APC: variants seen among roughly 807,000 people sequenced by gnomAD.
APC encodes adenomatous polyposis coli protein.
In APC, 72 loss-of-function variants were observed where a neutral mutation model predicts 247.0. That is an observed-to-expected ratio of 0.29 (90% confidence interval 0.24 to 0.35). The LOEUF (loss-of-function observed/expected upper bound fraction) is 0.35, where lower values mean the gene tolerates loss of function less well. APC is among the 10% of genes least tolerant of loss of function. The probability of loss-of-function intolerance (pLI) is 1.00; values close to 1 mark genes in which losing one functional copy is unlikely to be tolerated. For synonymous variants in APC, 1,254 were observed against 1,162.5 expected (o/e 1.08, Z -1.60); for missense variants, 3,400 against 3,360.7 (o/e 1.01, Z -0.29).
chr5:112,715,079 C>T (rs1048619686), intron 1 of APC, among the ~76,000 whole-genome samples: 1 of 152,188 alleles, frequency 6.6e-6, no homozygotes, highest in Non-Finnish European at 1.5e-5. Context: ...GTACTCCTAC[C>T]ACTAAAGCAT....
intron 14 of APC, among the ~76,000 whole-genome samples, chr5:112,833,886 C>T (rs1294055274): frequency 6.6e-6 from 1 of 152,044 alleles, no homozygotes; most frequent in Admixed American, 6.5e-5. Context: ...GCAACTTGCT[C>T]TTGTCATTTA....
rs587778036 is a variant in APC, at chr5:112,842,552, C to T, written c.6958C>T (p.Pro2320Ser). ...SRPAQQPLSR[P>S]IQSPGRNSIS... is the part of the protein sequence containing the mutation. ...ACCTGCCCAGCAACCATTAAGTAGA[C>T]CTATACAGTCTCCTGGCCGAAACTC... Residue 2320 changes from proline (P) to serine (S), a missense_variant, in exon 16 of 16, where the codon CCT (proline) becomes TCT (serine). Transcript: ENST00000257430. The T allele has an allele frequency of 5.0e-6, 8 of 1,613,830 alleles. No individual in the cohort carries two copies. Among genetic ancestry groups the T allele is most frequent in the Middle Eastern group, 1.6e-4 (1 of 6,084 alleles).
At chr5:112,775,806 C>T (rs922917029) in intron 5 of APC, 69 bp downstream of exon 5, 3 of 854,306 alleles carry the variant, frequency 3.5e-6, no homozygotes, top group Admixed American at 2.4e-5. Context: ...CCTAGGTAAT[C>T]CATTAAAATT....
intron 1 of APC, among the ~76,000 whole-genome samples, chr5:112,750,593 C>T (rs899048051): frequency 1.2e-4 from 18 of 151,818 alleles, no homozygotes; most frequent in African/African-American, 3.1e-4. Context: ...TTTATTTTAA[C>T]GTAGTTGTGC....
chr5:112,833,745 T>C (rs1296683387), intron 14 of APC, among the ~76,000 whole-genome samples: 1 of 152,216 alleles, frequency 6.6e-6, no homozygotes, highest in Non-Finnish European at 1.5e-5. Context: ...TAATTTGTTA[T>C]GTGGGGAATT....
At chr5:112,828,032 T>C (rs775742482) in intron 13 of APC, 26 bp downstream of exon 13, 8 of 1,596,924 alleles carry the variant, frequency 5.0e-6, no homozygotes, top group South Asian at 1.1e-5. Flanking sequence ...TCACCTGTTT[T>C]TCTTTTTTCT....
chr5:112,741,341 T>C (rs1355371905), intron 1 of APC, among the ~76,000 whole-genome samples: 7 of 152,294 alleles, frequency 4.6e-5, no homozygotes, highest in Middle Eastern at 3.4e-3. Context: ...CTGCTTAGAG[T>C]CACAGAGAAT....
chr5:112,799,711 G>A (rs989185044), intron 7 of APC, among the ~76,000 whole-genome samples: 4 of 152,152 alleles, frequency 2.6e-5, no homozygotes, highest in African/African-American at 9.7e-5. Context: ...AAGAATCGCA[G>A]AAAAAGGCAT....
At chr5:112,826,125 A>G (rs988933277) in intron 11 of APC, among the ~76,000 whole-genome samples, 39 of 151,776 alleles carry the variant, frequency 2.6e-4, no homozygotes, top group Admixed American at 2.0e-4. Context: ...ATTCTTCTGC[A>G]TATTGAACTT....
At position 112,815,597 on chromosome 5, in the gene APC, A is replaced by G. The variant is rs1159809383; in HGVS notation, c.933+4A>G. On this transcript the variant is annotated splice_donor_region_variant and intron_variant, in intron 9 of 15. Transcript: ENST00000257430. ...GACAAGTCATCTGGGAACCAAGGTAACAGAAGATTACAAACCCTGGTCACT... is the reference window on the plus strand; with the variant it reads ...GACAAGTCATCTGGGAACCAAGGTAGCAGAAGATTACAAACCCTGGTCACT... The G allele has an allele frequency of 1.2e-6, 2 of 1,605,832 alleles. No homozygotes were observed. Among genetic ancestry groups the G allele is most frequent in the Admixed American group, 3.3e-5 (2 of 59,820 alleles).
chr5:112,781,902 C>T (rs2909784), intron 6 of APC, among the ~76,000 whole-genome samples: 10,058 of 152,072 alleles, frequency 0.066, 412 homozygotes, highest in Middle Eastern at 0.14. Flanking sequence ...TACAGGCGTG[C>T]GCCACCATGC....
At chr5:112,800,388 T>C (rs1760683956) in intron 7 of APC, among the ~76,000 whole-genome samples, 1 of 152,226 alleles carries the variant, frequency 6.6e-6, no homozygotes, top group South Asian at 2.1e-4. Context: ...TGCCAGCATA[T>C]AACTGATACT....
At chr5:112,708,399 CT>C (rs940246334) in intron 1 of APC, among the ~76,000 whole-genome samples, 2 of 152,192 alleles carry the variant, frequency 1.3e-5, no homozygotes, top group African/African-American at 2.4e-5. Flanking sequence ...AGTCTGACTC[CT>C]TGACCCACCA....
At chr5:112,801,728 C>G (rs563127438) in intron 8 of APC, among the ~76,000 whole-genome samples, 12 of 151,966 alleles carry the variant, frequency 7.9e-5, no homozygotes, top group Non-Finnish European at 1.8e-4. Context: ...TGCTCTTTCA[C>G]TAAGACCTTC....
At chr5:112,725,364 G>A (rs1253826979) in intron 1 of APC, among the ~76,000 whole-genome samples, 3 of 152,074 alleles carry the variant, frequency 2.0e-5, no homozygotes, top group Non-Finnish European at 1.5e-5. Context: ...AGTGCCACTC[G>A]GTTCTGTTCC....
chr5:112,707,540 G>C lies in APC; in HGVS notation c.-178G>C, dbSNP rs1045323633. ...CCTCCCACAAGATGGCGGAGGGCAAGTAGCAAGGGGGCGGGGTGTGGCCGC... is the reference window on the plus strand; with the variant it reads ...CCTCCCACAAGATGGCGGAGGGCAACTAGCAAGGGGGCGGGGTGTGGCCGC... On this transcript the variant is annotated 5_prime_UTR_variant, in exon 1 of 14. Coordinates refer to the APC transcript ENST00000507379. The C allele has an allele frequency of 1.9e-6, 1 of 521,284 alleles. No individual in the cohort carries two copies. Among genetic ancestry groups the C allele is most frequent in the Non-Finnish European group, 3.3e-6 (1 of 302,972 alleles). The allele number at this position is 521,284 out of a possible 1,614,324, so 32.3% of individuals were successfully genotyped here.
At chr5:112,827,744 A>G (rs112937787) in intron 12 of APC, among the ~76,000 whole-genome samples, 185 bp from the exon 13 acceptor site, 10 of 152,254 alleles carry the variant, frequency 6.6e-5, no homozygotes, top group African/African-American at 2.2e-4. Context: ...AAGAACAGAT[A>G]GCAAAGAATT....
intron 8 of APC, among the ~76,000 whole-genome samples, chr5:112,802,522 A>G (rs1439583502): frequency 6.6e-6 from 1 of 152,186 alleles, no homozygotes; most frequent in African/African-American, 2.4e-5. Flanking sequence ...GCTTTGGGTC[A>G]TCTTCCAATT....
At chr5:112,836,165 T>TTCCCCCCCCCCCCCCCCCCCCCCCCC in intron 15 of APC, among the ~76,000 whole-genome samples, 1 of 24,492 alleles carries the variant, frequency 4.1e-5, no homozygotes, top group Non-Finnish European at 8.5e-5. Flanking sequence ...GGATTACAGG[T>TTCCCCCCCCCCCCCCCCCCCCCCCCC]CCCCCCCCCC....
Sources: gnomAD v4.1 joint callset for allele counts (sites outside exome capture counted in the v4.1 genomes callset) on GRCh38, gnomAD v4.1.1 for gene constraint, MANE v1.5 for transcripts, NCBI Gene and HGNC (gene_info 2026-07-23, HGNC 2026-07-21) for gene names.